Variants in ZNF804B observed in about 807,000 individuals in gnomAD.
The protein encoded by ZNF804B is zinc finger protein 804B.
In ZNF804B, 80 loss-of-function variants were observed where a neutral mutation model predicts 101.4. The observed-to-expected ratio is 0.79, with a 90% CI of 0.66 to 0.95. ZNF804B has a LOEUF of 0.95. Among genes scored for constraint, ZNF804B ranks in the 40% least tolerant of loss-of-function variants. The probability of loss-of-function intolerance (pLI) is 0.00; values close to 1 mark genes in which losing one functional copy is unlikely to be tolerated. For missense variants in ZNF804B, 1,673 were observed against 1,561.9 expected, an observed-to-expected ratio of 1.07 and a Z score of -1.20; for synonymous variants, 622 against 558.8, an observed-to-expected ratio of 1.11 and a Z score of -1.59.
At chr7:88,850,274 G>A (rs1332643505) in intron 1 of ZNF804B, among the ~76,000 whole-genome samples, 6 of 152,074 alleles carry the variant, frequency 3.9e-5, no homozygotes, top group Admixed American at 3.9e-4. Context: ...GGGAACCCAG[G>A]TAGAGCCTGG....
chr7:89,056,260 A>C (rs1789294309), intron 1 of ZNF804B, among the ~76,000 whole-genome samples: 1 of 152,108 alleles, frequency 6.6e-6, no homozygotes, highest in African/African-American at 2.4e-5. Flanking sequence ...GGATAAATGT[A>C]GAGGTGGGCA....
At chr7:88,973,095 G>A (rs920099030) in intron 1 of ZNF804B, among the ~76,000 whole-genome samples, 3 of 149,408 alleles carry the variant, frequency 2.0e-5, no homozygotes, top group Non-Finnish European at 4.5e-5. Flanking sequence ...GTATTTTAAT[G>A]TTCTTCTCTT....
intron 2 of ZNF804B, among the ~76,000 whole-genome samples, chr7:89,222,773 A>G (rs1562921283): frequency 6.6e-6 from 1 of 151,952 alleles, no homozygotes; most frequent in Admixed American, 6.6e-5. Flanking sequence ...ATTTCATGGT[A>G]AACTAATTTA....
At chr7:89,086,060 A>T (rs1158449343) in intron 1 of ZNF804B, among the ~76,000 whole-genome samples, 1 of 151,878 alleles carries the variant, frequency 6.6e-6, no homozygotes, top group Non-Finnish European at 1.5e-5. Flanking sequence ...TAATCTATTG[A>T]CTAAATAGGA....
chr7:88,761,365 G>C (rs1789892667), intron 1 of ZNF804B, among the ~76,000 whole-genome samples: 1 of 152,160 alleles, frequency 6.6e-6, no homozygotes, highest in Admixed American at 6.5e-5. Flanking sequence ...GTTTGTATAA[G>C]TACTTAACAA....
At chr7:89,055,148 A>T (rs1428981835) in intron 1 of ZNF804B, among the ~76,000 whole-genome samples, 2 of 152,100 alleles carry the variant, frequency 1.3e-5, no homozygotes. Flanking sequence ...TTGAGGGATG[A>T]CTTGACCAAG....
intron 2 of ZNF804B, among the ~76,000 whole-genome samples, chr7:89,283,677 G>C (rs941748697): frequency 1.3e-5 from 2 of 151,984 alleles, no homozygotes; most frequent in Non-Finnish European, 2.9e-5. Flanking sequence ...ATCTAGACCA[G>C]AAATTATAAT....
chr7:89,060,757 G>A (rs574888725), intron 1 of ZNF804B, among the ~76,000 whole-genome samples: 64 of 152,164 alleles, frequency 4.2e-4, no homozygotes, highest in Admixed American at 1.1e-3. Flanking sequence ...ACATTTTTGC[G>A]AAATTGACTC....
intron 2 of ZNF804B, among the ~76,000 whole-genome samples, chr7:89,276,365 C>T (rs986896208): frequency 2.6e-5 from 4 of 151,532 alleles, no homozygotes; most frequent in African/African-American, 9.7e-5. Context: ...GGTAAAAGAC[C>T]CCTTGGATAT....
intron 2 of ZNF804B, among the ~76,000 whole-genome samples, chr7:89,279,600 T>C (rs941618983): frequency 1.3e-5 from 2 of 152,172 alleles, no homozygotes; most frequent in African/African-American, 4.8e-5. Context: ...TCTGCATCTA[T>C]TGAGATAATC....
At chr7:89,117,060 A>G (rs1448516080) in intron 1 of ZNF804B, among the ~76,000 whole-genome samples, 1 of 152,156 alleles carries the variant, frequency 6.6e-6, no homozygotes, top group Non-Finnish European at 1.5e-5. Flanking sequence ...GAAGATACGA[A>G]CCTTGAAAAT....
At chr7:89,084,432 C>A (rs17166630) in intron 1 of ZNF804B, among the ~76,000 whole-genome samples, 4,862 of 151,938 alleles carry the variant, frequency 0.032, 127 homozygotes, top group African/African-American at 0.074. Context: ...AAATAACTCT[C>A]ACCCCAGGCA....
intron 1 of ZNF804B, among the ~76,000 whole-genome samples, chr7:88,774,380 A>T (rs1790113345): frequency 6.6e-6 from 1 of 152,070 alleles, no homozygotes. Flanking sequence ...TGTAAGACTG[A>T]GAGGAAAGAA....
intron 1 of ZNF804B, among the ~76,000 whole-genome samples, chr7:89,116,026 T>G (rs1484690869): frequency 6.6e-6 from 1 of 151,792 alleles, no homozygotes; most frequent in African/African-American, 2.4e-5. Context: ...CACCTCAGCC[T>G]CCTGAGTAGC....
chr7:89,314,666 A>G (rs1790694153), intron 2 of ZNF804B, among the ~76,000 whole-genome samples: 1 of 152,264 alleles, frequency 6.6e-6, no homozygotes, highest in African/African-American at 2.4e-5. Flanking sequence ...ATAGTTTGCT[A>G]AGTTACAAAT....
intron 1 of ZNF804B, among the ~76,000 whole-genome samples, chr7:89,187,751 T>C (rs1788395302): frequency 6.6e-6 from 1 of 152,184 alleles, no homozygotes; most frequent in Non-Finnish European, 1.5e-5. Flanking sequence ...AAAAATATTA[T>C]ATTAACTGAC....
chr7:88,977,728 A>C (rs1584050287), intron 1 of ZNF804B, among the ~76,000 whole-genome samples: 1 of 150,558 alleles, frequency 6.6e-6, no homozygotes, highest in South Asian at 2.1e-4. Flanking sequence ...TTTCAATTTC[A>C]TTTATTTCTG....
At chr7:89,326,212 C>A (rs912862900) in intron 2 of ZNF804B, among the ~76,000 whole-genome samples, 5 of 151,994 alleles carry the variant, frequency 3.3e-5, no homozygotes, top group Admixed American at 6.6e-5. Flanking sequence ...GTAGCTGTTT[C>A]TAATTCCGTG....
At position 89,271,906 on chromosome 7, in the gene ZNF804B, G is replaced by A. The variant is rs904011635; in HGVS notation, c.249+53611G>A. On this transcript the variant is annotated intron_variant, in intron 2 of 3. Coordinates refer to ENST00000333190, the MANE Select transcript of ZNF804B (RefSeq NM_181646.5). Reference sequence around the variant, plus strand: ...TGGTAGTTTGTATTTCTGTGGGATCGGTGGTGATATCCCCTGTATCATATT... The same window carrying A: ...TGGTAGTTTGTATTTCTGTGGGATCAGTGGTGATATCCCCTGTATCATATT... 3.3e-5 allele frequency among the ~76,000 whole-genome samples: 5 copies of A among 151,802 alleles called. No homozygotes were observed. In the East Asian group the frequency reaches 5.8e-4, roughly 18 times the overall value.
Sources: allele counts gnomAD v4.1 joint callset (sites outside exome capture counted in the v4.1 genomes callset), GRCh38; gene constraint gnomAD v4.1.1; transcripts MANE v1.5; gene names NCBI Gene and HGNC (gene_info 2026-07-23, HGNC 2026-07-21).